Variants in SPATA17 observed in about 807,000 individuals in gnomAD.
SPATA17 encodes spermatogenesis associated 17, also known as spermatogenesis-associated protein 17.
In SPATA17, 53 loss-of-function variants were observed where a neutral mutation model predicts 62.2. The observed-to-expected ratio is 0.85, with a 90% CI of 0.68 to 1.07. SPATA17 has a LOEUF of 1.07. SPATA17 is among the 50% of genes least tolerant of loss of function. SPATA17 has a pLI of 0.00. For synonymous variants in SPATA17, 146 were observed against 146.8 expected (o/e 0.99, Z 0.04); for missense variants, 466 against 425.5 (o/e 1.10, Z -0.84).
intron 5 of SPATA17, among the ~76,000 whole-genome samples, chr1:217,683,642 A>G (rs1323306208): frequency 2.0e-5 from 3 of 152,030 alleles, no homozygotes; most frequent in Admixed American, 6.5e-5. Context: ...GGGTTTCACC[A>G]TATTGGCCAG....
At chr1:217,782,973 T>C (rs987393275) in intron 8 of SPATA17, among the ~76,000 whole-genome samples, 5 of 151,692 alleles carry the variant, frequency 3.3e-5, no homozygotes, top group South Asian at 2.1e-4. Context: ...TTTATGATTG[T>C]CATTATTCTG....
intron 9 of SPATA17, among the ~76,000 whole-genome samples, chr1:217,816,085 C>T (rs1007169122): frequency 7.9e-5 from 12 of 152,010 alleles, no homozygotes; most frequent in Non-Finnish European, 1.3e-4. Flanking sequence ...AAAAGATGTA[C>T]ACACATCTTC....
At chr1:217,846,575 G>T (rs1362501587) in intron 9 of SPATA17, among the ~76,000 whole-genome samples, 1 of 152,002 alleles carries the variant, frequency 6.6e-6, no homozygotes, top group Non-Finnish European at 1.5e-5. Flanking sequence ...TTAACTGAAA[G>T]ACTTTTCCTA....
intron 9 of SPATA17, among the ~76,000 whole-genome samples, chr1:217,825,973 T>C (rs1054265507): frequency 6.6e-6 from 1 of 152,152 alleles, no homozygotes; most frequent in Non-Finnish European, 1.5e-5. Context: ...AAAGCTCTTA[T>C]TTATTTTCTA....
At chr1:217,631,535 C>T in intron 1 of SPATA17, 89 bp downstream of exon 1, 1 of 1,355,028 alleles carries the variant, frequency 7.4e-7, no homozygotes, top group East Asian at 2.3e-5. Flanking sequence ...AACGATTTAA[C>T]GATTACCCTA....
intron 9 of SPATA17, among the ~76,000 whole-genome samples, chr1:217,842,938 A>AT (rs1675443815): frequency 6.7e-6 from 1 of 150,056 alleles, no homozygotes; most frequent in African/African-American, 2.4e-5. Context: ...TTCATCATAC[A>AT]TTTCAAAATG....
At chr1:217,798,516 A>C (rs1674212931) in intron 8 of SPATA17, among the ~76,000 whole-genome samples, 1 of 152,204 alleles carries the variant, frequency 6.6e-6, no homozygotes, top group Non-Finnish European at 1.5e-5. Context: ...ATCTCTTCCA[A>C]TAGAAGGTGG....
rs201718726 is a variant in SPATA17 at position 217,690,481 on chromosome 1, T to G, written c.395+7120T>G. On this transcript the variant is annotated intron_variant, in intron 5 of 10. Coordinates refer to ENST00000366933, the MANE Select transcript of SPATA17 (RefSeq NM_138796.4). ...ATTTTATTTTATTTTTTATTTTTTTTTTTTTTAATTATTTTTTTTTATTAT... is the reference window on the plus strand; with the variant it reads ...ATTTTATTTTATTTTTTATTTTTTTGTTTTTTAATTATTTTTTTTTATTAT... Among the ~76,000 whole-genome samples, 85 of 149,982 alleles carry G rather than the reference T, an allele frequency of 5.7e-4. 1 individual carries two copies. The East Asian group carries it at 0.016, about 28-fold the overall frequency.
chr1:217,712,128 C>CTTTTTTTTTTTTTTTTT lies in SPATA17; in HGVS notation c.395+28771_395+28772insTTTTTTTTTTTTTTTTT, dbSNP rs551988828. Among the ~76,000 whole-genome samples, 76 of 134,122 alleles carry CTTTTTTTTTTTTTTTTT rather than the reference C, an allele frequency of 5.7e-4. 4 individuals carry two copies. Among genetic ancestry groups the CTTTTTTTTTTTTTTTTT allele is most frequent in the African/African-American group, 1.6e-3 (56 of 34,982 alleles). The allele number at this position is 134,122 out of a possible 152,430, so 88.0% of individuals were successfully genotyped here. A position where few individuals can be genotyped will look rare whatever the true frequency, so the allele number is the denominator to read the frequency against. On this transcript the variant is annotated intron_variant, in intron 5 of 10. Coordinates refer to ENST00000366933, the MANE Select transcript of SPATA17 (RefSeq NM_138796.4). ...GGACCCTTAAGTTCTACAATATGTT[C>CTTTTTTTTTTTTTTTTT]TTTTGTTTTTTTTTTTTTACGGAGT...
At position 217,683,336 on chromosome 1, in the gene SPATA17, G is replaced by A. The variant is rs148969039; in HGVS notation, c.370G>A (p.Val124Ile). 78 of 1,608,904 alleles carry A rather than the reference G, an allele frequency of 4.8e-5. No homozygotes were observed. Among genetic ancestry groups the A allele is most frequent in the African/African-American group, 4.0e-4 (30 of 74,654 alleles). The change falls in exon 5 of 11, where the codon GTT becomes ATT. Residue 124 changes from valine to isoleucine, a missense_variant. Coordinates refer to ENST00000366933, the MANE Select transcript of SPATA17 (RefSeq NM_138796.4). The stretch of plus-strand genomic sequence containing the variant: ...TTATTTGAAAGAGTACCTGAAAGTC[G>A]TTTCAGAGACCAATGATGCAATTAG... Reference protein sequence around the residue: ...YYYLKEYLKVVSETNDAIRKA... With the variant: ...YYYLKEYLKVISETNDAIRKA...
chr1:217,683,872 T>A (rs1315392383), intron 5 of SPATA17, among the ~76,000 whole-genome samples: 1 of 152,128 alleles, frequency 6.6e-6, no homozygotes, highest in African/African-American at 2.4e-5. Flanking sequence ...AAGTTATTTA[T>A]GTGTGTAGTA....
At position 217,714,488 on chromosome 1, in the gene SPATA17, C is replaced by CTTTTTTTTTTTTTTT. The variant is rs750665329; in HGVS notation, c.396-27473_396-27472insTTTTTTTTTTTTTTT. On this transcript the variant is annotated intron_variant, in intron 5 of 10. Coordinates refer to ENST00000366933, the MANE Select transcript of SPATA17 (RefSeq NM_138796.4). The stretch of plus-strand genomic sequence containing the variant: ...TGAGTTGAACGTGGAAAACGTGTTT[C>CTTTTTTTTTTTTTTT]TTTTTTTTTTTTTTGAGACAGAGTC... 3.6e-3 allele frequency among the ~76,000 whole-genome samples: 442 copies of CTTTTTTTTTTTTTTT among 121,356 alleles called. 43 individuals are homozygous for CTTTTTTTTTTTTTTT. The highest frequency in any genetic ancestry group is 4.4e-3 in the African/African-American group (134 of 30,672). The allele number at this position is 121,356 out of a possible 152,430, so 79.6% of individuals were successfully genotyped here.
At chr1:217,659,123 G>A (rs1242376691) in intron 3 of SPATA17, among the ~76,000 whole-genome samples, 1 of 151,314 alleles carries the variant, frequency 6.6e-6, no homozygotes, top group East Asian at 1.9e-4. Context: ...CAATGTGCAT[G>A]TATTATCTAT....
At chr1:217,827,838 C>T (rs571734237) in intron 9 of SPATA17, among the ~76,000 whole-genome samples, 4 of 152,018 alleles carry the variant, frequency 2.6e-5, no homozygotes, top group Non-Finnish European at 4.4e-5. Context: ...ACAATGAGAA[C>T]ACATGGACAC....
intron 6 of SPATA17, among the ~76,000 whole-genome samples, chr1:217,769,228 C>G (rs1314114646): frequency 2.0e-5 from 3 of 152,030 alleles, no homozygotes; most frequent in Admixed American, 2.0e-4. Flanking sequence ...CAAAGTGTAC[C>G]TTTCGTATAT....
chr1:217,708,746 C>T (rs1349889976), intron 5 of SPATA17, among the ~76,000 whole-genome samples: 2 of 151,972 alleles, frequency 1.3e-5, no homozygotes, highest in Admixed American at 6.6e-5. Flanking sequence ...AAACTTCAGG[C>T]CGATATCCTT....
At chr1:217,841,819 T>C (rs1411528280) in intron 9 of SPATA17, among the ~76,000 whole-genome samples, 1 of 151,232 alleles carries the variant, frequency 6.6e-6, no homozygotes, top group Non-Finnish European at 1.5e-5. Context: ...TTAAATTAAA[T>C]CTGATATACA....
intron 9 of SPATA17, among the ~76,000 whole-genome samples, chr1:217,813,764 T>C (rs891769672): frequency 4.6e-5 from 7 of 152,062 alleles, no homozygotes; most frequent in South Asian, 2.1e-4. Flanking sequence ...AGGAAAAGTA[T>C]AAATTTACAT....
intron 3 of SPATA17, among the ~76,000 whole-genome samples, chr1:217,662,115 G>A (rs761506407): frequency 2.0e-5 from 3 of 152,094 alleles, no homozygotes; most frequent in African/African-American, 7.2e-5. Context: ...TGGATGGCTT[G>A]TATACATTTT....
Sources: allele counts gnomAD v4.1 joint callset (sites outside exome capture counted in the v4.1 genomes callset), GRCh38; gene constraint gnomAD v4.1.1; transcripts MANE v1.5; gene names NCBI Gene and HGNC (gene_info 2026-07-23, HGNC 2026-07-21).